Variants in UGT1A7 observed in about 807,000 individuals in gnomAD.
UGT1A7 encodes the protein UDP glucuronosyltransferase family 1 member A7, also known as UDP-glucuronosyltransferase 1A7.
In UGT1A7, 33 loss-of-function variants were observed where a neutral mutation model predicts 45.6. That is an observed-to-expected ratio of 0.72 (90% CI 0.55 to 0.97). The LOEUF (loss-of-function observed/expected upper bound fraction) is 0.97. UGT1A7 is among the 50% of genes least tolerant of loss of function. The pLI is 0.00. For missense variants in UGT1A7, 684 were observed against 666.2 expected, an observed-to-expected ratio of 1.03 and a Z score of -0.29; for synonymous variants, 274 against 250.6, an observed-to-expected ratio of 1.09 and a Z score of -0.88.
At chr2:233,734,096 T>G (rs1379771064) in intron 1 of UGT1A7, among the ~76,000 whole-genome samples, 5 of 151,518 alleles carry the variant, frequency 3.3e-5, no homozygotes, top group African/African-American at 9.8e-5. Context: ...CCCTAAAACT[T>G]AAAGTATAAT....
In UGT1A7 at chr2:233,701,509, A is replaced by G. The variant is rs371622250; in HGVS notation, c.855+18717A>G. The stretch of plus-strand genomic sequence containing the variant: ...CCAAGCGGACCTAATAGACATCTAC[A>G]GAACTCTCCACCCCAAATCAACAGA... On this transcript the variant is annotated intron_variant, in intron 1 of 4. Transcript: ENST00000373426. 2.7e-3 allele frequency among the ~76,000 whole-genome samples: 411 copies of G among 152,304 alleles called. 2 individuals are homozygous for G. The highest frequency in any genetic ancestry group is 0.027 in the South Asian group (129 of 4,822).
chr2:233,687,715 C>G (rs2074859445), intron 1 of UGT1A7, among the ~76,000 whole-genome samples: 1 of 151,616 alleles, frequency 6.6e-6, no homozygotes, highest in Admixed American at 6.6e-5. Context: ...CCAGCCTGGA[C>G]AACATAGGGA....
intron 1 of UGT1A7, chr2:233,761,045 T>A (rs1315871466): frequency 1.9e-6 from 3 of 1,614,220 alleles, no homozygotes; most frequent in Non-Finnish European, 1.7e-6. Flanking sequence ...TCTGCATCTG[T>A]CTGGCTGTTT....
At chr2:233,719,039 A>T in intron 1 of UGT1A7, 2 of 1,614,110 alleles carry the variant, frequency 1.2e-6, no homozygotes, top group Non-Finnish European at 1.7e-6. Context: ...AAGAAGAGAA[A>T]TTTTTCACCC....
At chr2:233,724,657 C>A (rs536267654) in intron 1 of UGT1A7, among the ~76,000 whole-genome samples, 1 of 142,620 alleles carries the variant, frequency 7.0e-6, no homozygotes, top group Non-Finnish European at 1.5e-5. Flanking sequence ...TGGGAAGAGG[C>A]GCTCCTCACT....
chr2:233,744,024 G>A lies in UGT1A7; in HGVS notation c.856-23010G>A, dbSNP rs532921168. The A allele has an allele frequency of 1.8e-4, 170 of 951,358 alleles. 2 individuals carry two copies. The highest frequency in any genetic ancestry group is 2.3e-4 in the Non-Finnish European group (161 of 710,466). 58.9% of individuals were successfully genotyped at this position (951,358 alleles called of 1,614,324 possible). Reference sequence around the variant, plus strand: ...GGAGACCTGGGCCGCCTGGAGAGACGCCCCTTATGACGCAGCCACATCTCA... The same window carrying A: ...GGAGACCTGGGCCGCCTGGAGAGACACCCCTTATGACGCAGCCACATCTCA... On this transcript the variant is annotated intron_variant, in intron 1 of 4. Coordinates refer to ENST00000373426, the MANE Select transcript of UGT1A7 (RefSeq NM_019077.3).
intron 1 of UGT1A7, among the ~76,000 whole-genome samples, chr2:233,707,026 C>T (rs1300586789): frequency 1.3e-5 from 2 of 152,110 alleles, no homozygotes; most frequent in African/African-American, 4.8e-5. Context: ...GGTCAGCCAG[C>T]CCCCAAGGTA....
At position 233,764,542 on chromosome 2, in the gene UGT1A7, C is replaced by T. The variant is rs34078324; in HGVS notation, c.856-2492C>T. ...CACATCCTGCTGATTGCTGAGTGGGCGTGTGGGAGGGTGTGCCTGGAGGAG... is the reference window on the plus strand; with the variant it reads ...CACATCCTGCTGATTGCTGAGTGGGTGTGTGGGAGGGTGTGCCTGGAGGAG... On this transcript the variant is annotated intron_variant, in intron 1 of 4. Transcript: ENST00000373426. Among the ~76,000 whole-genome samples, 1,361 of 152,150 alleles carry T rather than the reference C, an allele frequency of 8.9e-3. 20 individuals carry two copies. The highest frequency in any genetic ancestry group is 0.032 in the African/African-American group (1,309 of 41,498).
intron 1 of UGT1A7, among the ~76,000 whole-genome samples, chr2:233,703,898 C>CT (rs1039785943): frequency 2.0e-4 from 29 of 147,302 alleles, no homozygotes; most frequent in African/African-American, 4.5e-4. Context: ...TTTTTCTTTT[C>CT]TTTTTTTTTT....
chr2:233,709,011 A>G (rs1288897018), intron 1 of UGT1A7, among the ~76,000 whole-genome samples: 1 of 152,062 alleles, frequency 6.6e-6, no homozygotes, highest in East Asian at 1.9e-4. Context: ...GTGTCATAAT[A>G]CCCAAGCAGC....
At chr2:233,693,955 G>A (rs2075191265) in intron 1 of UGT1A7, 1 of 1,586,932 alleles carries the variant, frequency 6.3e-7, no homozygotes, top group Admixed American at 1.8e-5. Flanking sequence ...ACTGTCCCTT[G>A]GAGGATTTCC....
At chr2:233,712,083 G>A (rs1229537579) in intron 1 of UGT1A7, among the ~76,000 whole-genome samples, 1 of 152,192 alleles carries the variant, frequency 6.6e-6, no homozygotes, top group African/African-American at 2.4e-5. Flanking sequence ...ATAAAGGCCT[G>A]GATGAATGGA....
rs527538087 is a variant in UGT1A7, at chr2:233,704,924, A to G, written c.855+22132A>G. 2.6e-5 allele frequency among the ~76,000 whole-genome samples: 4 copies of G among 152,248 alleles called. No individual in the cohort carries two copies. The East Asian group carries it at 7.7e-4, about 29-fold the overall frequency. On this transcript the variant is annotated intron_variant, in intron 1 of 4. Transcript: ENST00000373426. Reference sequence around the variant, plus strand: ...TGAGGCAGGTGGATCACCTGAGACCAGCCTAGATCAAGACCAGCCTGGCCA... The same window carrying G: ...TGAGGCAGGTGGATCACCTGAGACCGGCCTAGATCAAGACCAGCCTGGCCA...
At chr2:233,743,090 T>C in intron 1 of UGT1A7, 1 of 347,048 alleles carries the variant, frequency 2.9e-6, no homozygotes, top group South Asian at 2.3e-5. Context: ...TGTTTATAAA[T>C]TCTTGGGTAC....
At chr2:233,740,067 CCTCT>C (rs2125827081) in intron 1 of UGT1A7, among the ~76,000 whole-genome samples, 1 of 151,938 alleles carries the variant, frequency 6.6e-6, no homozygotes, top group South Asian at 2.1e-4. Flanking sequence ...ACAAGCTTTT[CCTCT>C]CTGTCTCTCG....
intron 1 of UGT1A7, chr2:233,729,923 C>T (rs760546149): frequency 3.7e-6 from 6 of 1,614,016 alleles, no homozygotes; most frequent in Non-Finnish European, 5.1e-6. Flanking sequence ...ATGGACTACC[C>T]CAGGCCAATC....
intron 1 of UGT1A7, among the ~76,000 whole-genome samples, chr2:233,685,269 G>A (rs2074731208): frequency 2.0e-5 from 3 of 152,132 alleles, no homozygotes; most frequent in Non-Finnish European, 4.4e-5. Context: ...CTGACCTCAA[G>A]TGATCCGCCC....
At chr2:233,742,932 T>A in intron 1 of UGT1A7, 1 of 195,120 alleles carries the variant, frequency 5.1e-6, no homozygotes. Flanking sequence ...CTGAACATTC[T>A]GTCCTACCAC....
At chr2:233,710,438 C>T (rs1483320270) in intron 1 of UGT1A7, among the ~76,000 whole-genome samples, 4 of 152,172 alleles carry the variant, frequency 2.6e-5, no homozygotes, top group African/African-American at 9.7e-5. Flanking sequence ...TATTTTTAGT[C>T]TTTTACATTT....
Sources: allele counts gnomAD v4.1 joint callset (sites outside exome capture counted in the v4.1 genomes callset), GRCh38; gene constraint gnomAD v4.1.1; transcripts MANE v1.5; gene names NCBI Gene and HGNC (gene_info 2026-07-23, HGNC 2026-07-21).